Variants in EXOC6B observed in about 807,000 individuals in gnomAD.
EXOC6B encodes the protein SEC15 homolog B.
EXOC6B carries 54 observed loss-of-function variants against 113.5 expected under a neutral mutation model. The observed-to-expected ratio is 0.48, with a 90% CI of 0.38 to 0.60. EXOC6B has a LOEUF of 0.60. Among genes scored for constraint, EXOC6B ranks in the 20% least tolerant of loss-of-function variants. EXOC6B has a pLI of 0.00. For missense variants in EXOC6B, 797 were observed against 977.5 expected (o/e 0.82, Z 2.46); for synonymous variants, 357 against 339.0 (o/e 1.05, Z -0.58).
chr2:72,185,823 A>C (rs1176846737), intron 20 of EXOC6B, among the ~76,000 whole-genome samples: 1 of 150,356 alleles, frequency 6.7e-6, no homozygotes, highest in Non-Finnish European at 1.5e-5. Context: ...TACATGTGCC[A>C]TGTTGGTGTG....
At chr2:72,583,596 C>T (rs1262153260) in intron 6 of EXOC6B, among the ~76,000 whole-genome samples, 1 of 152,130 alleles carries the variant, frequency 6.6e-6, no homozygotes, top group Non-Finnish European at 1.5e-5. Flanking sequence ...AATTTGATAT[C>T]CAGCCAATTA....
chr2:72,586,340 A>C (rs1438496346), intron 6 of EXOC6B, among the ~76,000 whole-genome samples: 2 of 152,218 alleles, frequency 1.3e-5, no homozygotes, highest in African/African-American at 4.8e-5. Flanking sequence ...AAATATTTGC[A>C]AACTATGCAT....
intron 18 of EXOC6B, among the ~76,000 whole-genome samples, chr2:72,392,815 C>T (rs986177158): frequency 4.6e-5 from 7 of 152,060 alleles, no homozygotes; most frequent in African/African-American, 1.4e-4. Flanking sequence ...TAGTTTTGCC[C>T]TTACTCTGAA....
chr2:72,323,636 C>A (rs956443593), intron 20 of EXOC6B, among the ~76,000 whole-genome samples: 70 of 152,122 alleles, frequency 4.6e-4, no homozygotes, highest in Non-Finnish European at 1.0e-4. Context: ...ACATATACAC[C>A]ATGGAATACT....
At chr2:72,559,613 A>G (rs1703769379) in intron 7 of EXOC6B, 92 bp from the exon 8 acceptor site, 1 of 987,558 alleles carries the variant, frequency 1.0e-6, no homozygotes, top group Non-Finnish European at 1.5e-6. Flanking sequence ...GGTTCTTTTT[A>G]TAAAGGCCAG....
chr2:72,361,096 G>A (rs11903908), intron 19 of EXOC6B, among the ~76,000 whole-genome samples: 29,389 of 151,988 alleles, frequency 0.19, 5,148 homozygotes, highest in African/African-American at 0.47. Flanking sequence ...ACAGTGTTAA[G>A]GGTGAAAAGA....
At chr2:72,516,928 A>G (rs1209188682) in intron 8 of EXOC6B, among the ~76,000 whole-genome samples, 1 of 152,258 alleles carries the variant, frequency 6.6e-6, no homozygotes, top group Admixed American at 6.5e-5. Flanking sequence ...AAAAGTATAA[A>G]TGCCACGCAA....
At chr2:72,809,822 T>C (rs1685780891) in intron 1 of EXOC6B, among the ~76,000 whole-genome samples, 2 of 152,158 alleles carry the variant, frequency 1.3e-5, no homozygotes, top group African/African-American at 4.8e-5. Flanking sequence ...CTCTCAACAA[T>C]TGATAGAACT....
At chr2:72,371,972 A>C (rs777176335) in intron 19 of EXOC6B, among the ~76,000 whole-genome samples, 7 of 152,228 alleles carry the variant, frequency 4.6e-5, no homozygotes, top group Non-Finnish European at 7.3e-5. Flanking sequence ...AATTCAGTAA[A>C]GTTGCAGAAT....
intron 18 of EXOC6B, among the ~76,000 whole-genome samples, chr2:72,382,316 AG>A (rs1487756265): frequency 6.6e-6 from 1 of 152,128 alleles, no homozygotes; most frequent in Non-Finnish European, 1.5e-5. Flanking sequence ...TGCTTTTGTC[AG>A]CTTTGTCGAA....
At chr2:72,565,850 T>C (rs2103750278) in intron 7 of EXOC6B, among the ~76,000 whole-genome samples, 1 of 152,164 alleles carries the variant, frequency 6.6e-6, no homozygotes, top group East Asian at 1.9e-4. Context: ...GGGTGGGTGG[T>C]GGGGTATAGA....
At position 72,825,735 on chromosome 2, in the gene EXOC6B, C is replaced by T. The variant is rs1316036342; in HGVS notation, c.113+63G>A. On this transcript the variant is annotated intron_variant, in intron 1 of 21. Coordinates refer to ENST00000272427, the MANE Select transcript of EXOC6B (RefSeq NM_015189.3). This position sits in a 1 kb window ranked among gnomAD's most constrained non-coding sequence, Gnocchi z 4.4. ...TGGGGACAGCCGGCCGGAGGCCCGA[C>T]CCAGAGGAGCCTGCCCCGTCCCGCC... is the stretch of plus-strand genomic sequence containing the variant. The T allele has an allele frequency of 2.6e-6, 4 of 1,518,622 alleles. No individual in the cohort carries two copies. The highest frequency in any genetic ancestry group is 1.9e-5 in the Admixed American group (1 of 52,232). The allele number at this position is 1,518,622 out of a possible 1,614,324, so 94.1% of individuals were successfully genotyped here. A position where few individuals can be genotyped will look rare whatever the true frequency, so the allele number is the denominator to read the frequency against.
At chr2:72,225,102 G>A (rs1681150067) in intron 20 of EXOC6B, among the ~76,000 whole-genome samples, 1 of 150,352 alleles carries the variant, frequency 6.7e-6, no homozygotes, top group Non-Finnish European at 1.5e-5. Context: ...TGCATCCACT[G>A]TGGCCTCCCA....
At chr2:72,353,849 T>A (rs1333813234) in intron 19 of EXOC6B, among the ~76,000 whole-genome samples, 1 of 152,164 alleles carries the variant, frequency 6.6e-6, no homozygotes, top group Non-Finnish European at 1.5e-5. Flanking sequence ...AACCACAACA[T>A]AGTTTTCTTC....
At chr2:72,779,862 C>T (rs1461449117) in intron 1 of EXOC6B, among the ~76,000 whole-genome samples, 3 of 152,180 alleles carry the variant, frequency 2.0e-5, no homozygotes, top group African/African-American at 7.2e-5. Flanking sequence ...CCCGTTGCTT[C>T]ATGGGAAAAG....
intron 6 of EXOC6B, among the ~76,000 whole-genome samples, chr2:72,681,336 G>A (rs931744568): frequency 2.0e-5 from 3 of 152,098 alleles, no homozygotes; most frequent in Non-Finnish European, 4.4e-5. Context: ...GCCGCTGTGA[G>A]CACACCAAAA....
chr2:72,816,918 T>G (rs1213018940), intron 1 of EXOC6B, among the ~76,000 whole-genome samples: 1 of 152,244 alleles, frequency 6.6e-6, no homozygotes, highest in African/African-American at 2.4e-5. Flanking sequence ...AGCCCATTGC[T>G]AGCTAACTGA....
At chr2:72,591,098 G>T (rs1705924143) in intron 6 of EXOC6B, among the ~76,000 whole-genome samples, 1 of 152,004 alleles carries the variant, frequency 6.6e-6, no homozygotes, top group African/African-American at 2.4e-5. Flanking sequence ...TAAATTAAAA[G>T]ACTAGTACAA....
At chr2:72,212,812 A>G (rs1011827893) in intron 20 of EXOC6B, among the ~76,000 whole-genome samples, 13 of 152,230 alleles carry the variant, frequency 8.5e-5, no homozygotes, top group Admixed American at 7.8e-4. Context: ...AACAGTTCTT[A>G]CTATAGCAGG....
Sources: gnomAD v4.1 joint callset for allele counts (sites outside exome capture counted in the v4.1 genomes callset) on GRCh38, gnomAD v4.1.1 for gene constraint, Gnocchi (gnomAD v3.1) non-coding constraint, MANE v1.5 for transcripts, NCBI Gene and HGNC (gene_info 2026-07-23, HGNC 2026-07-21) for gene names.